The following GRID2 variants were observed in gnomAD, a reference collection of about 807,000 sequenced individuals.
The protein encoded by GRID2 is glutamate ionotropic receptor delta type subunit 2.
A neutral mutation model predicts 114.8 loss-of-function variants in GRID2; 33 were observed. The ratio of observed to expected loss-of-function variants is 0.29; its 90% CI spans 0.22 to 0.38. GRID2 has a LOEUF of 0.38. Among genes scored for constraint, GRID2 ranks in the 10% least tolerant of loss-of-function variants. GRID2 has a pLI of 1.00. For synonymous variants in GRID2, 505 were observed against 449.9 expected (o/e 1.12, Z -1.55); for missense variants, 1,184 against 1,257.7 (o/e 0.94, Z 0.89).
intron 2 of GRID2, among the ~76,000 whole-genome samples, chr4:92,959,852 T>G (rs1181702924): frequency 6.6e-6 from 1 of 151,918 alleles, no homozygotes; most frequent in African/African-American, 2.4e-5. Context: ...TGGGGCCTAT[T>G]GGGGGATAGG....
intron 14 of GRID2, among the ~76,000 whole-genome samples, chr4:93,654,684 T>C (rs1722856237): frequency 1.3e-5 from 2 of 152,088 alleles, no homozygotes; most frequent in African/African-American, 2.4e-5. Flanking sequence ...GCCAACAAAA[T>C]GTAGGATTAC....
chr4:93,546,240 A>G (rs907629692), intron 13 of GRID2, among the ~76,000 whole-genome samples: 6 of 152,198 alleles, frequency 3.9e-5, no homozygotes. Flanking sequence ...GTTGTTTAAG[A>G]TGCTTATTCG....
At chr4:93,514,824 A>C (rs1284714320) in intron 12 of GRID2, among the ~76,000 whole-genome samples, 1 of 152,194 alleles carries the variant, frequency 6.6e-6, no homozygotes, top group African/African-American at 2.4e-5. Context: ...TACGTAAAGG[A>C]ATGTAGAACT....
intron 1 of GRID2, among the ~76,000 whole-genome samples, chr4:92,367,730 T>A (rs1728938479): frequency 6.6e-6 from 1 of 152,060 alleles, no homozygotes; most frequent in Non-Finnish European, 1.5e-5. Flanking sequence ...CATGATAAGA[T>A]TTTTAAAATG....
intron 14 of GRID2, among the ~76,000 whole-genome samples, chr4:93,752,838 C>T (rs1002488696): frequency 6.6e-6 from 1 of 152,120 alleles, no homozygotes; most frequent in Admixed American, 6.5e-5. Flanking sequence ...TATCTGTGTA[C>T]TTGCACATTG....
At chr4:92,892,607 A>G (rs1746868324) in intron 2 of GRID2, among the ~76,000 whole-genome samples, 1 of 152,220 alleles carries the variant, frequency 6.6e-6, no homozygotes, top group Admixed American at 6.5e-5. Flanking sequence ...AGATTAGGCC[A>G]CAAATATTAG....
intron 14 of GRID2, among the ~76,000 whole-genome samples, chr4:93,662,885 A>G (rs1026919090): frequency 2.0e-5 from 3 of 152,206 alleles, no homozygotes; most frequent in Non-Finnish European, 4.4e-5. Context: ...CCCACAAAAC[A>G]CGAAATGTTT....
At chr4:92,472,057 C>T (rs1722070306) in intron 1 of GRID2, among the ~76,000 whole-genome samples, 1 of 115,332 alleles carries the variant, frequency 8.7e-6, no homozygotes, top group South Asian at 3.0e-4. Context: ...CCTCGGCCTC[C>T]CGAGTAGCTG....
At chr4:93,204,549 G>A (rs1310096622) in intron 4 of GRID2, among the ~76,000 whole-genome samples, 1 of 152,156 alleles carries the variant, frequency 6.6e-6, no homozygotes, top group Non-Finnish European at 1.5e-5. Context: ...CTAAGCAACA[G>A]AGGATAGTAC....
intron 11 of GRID2, among the ~76,000 whole-genome samples, chr4:93,466,452 A>G: frequency 6.6e-6 from 1 of 152,184 alleles, no homozygotes; most frequent in East Asian, 1.9e-4. Flanking sequence ...GGGCTACCCT[A>G]TGGGCAAAGA....
chr4:92,318,261 T>G (rs973440099), intron 1 of GRID2, among the ~76,000 whole-genome samples: 6 of 149,632 alleles, frequency 4.0e-5, no homozygotes, highest in Admixed American at 6.7e-5. Context: ...GTTGGGTGGT[T>G]GTTTCACAAG....
intron 4 of GRID2, among the ~76,000 whole-genome samples, chr4:93,192,272 A>G (rs1227894904): frequency 1.3e-5 from 2 of 152,332 alleles, no homozygotes; most frequent in East Asian, 3.9e-4. Flanking sequence ...GAAGCCTTAC[A>G]ATAGGCCAAT....
chr4:93,175,864 C>T (rs1739305050), intron 4 of GRID2, among the ~76,000 whole-genome samples: 1 of 152,088 alleles, frequency 6.6e-6, no homozygotes, highest in Non-Finnish European at 1.5e-5. Context: ...CCAGTTTTCC[C>T]CTCCAATCCA....
chr4:93,224,530 A>G, intron 6 of GRID2, 84 bp from the exon 7 acceptor site: 1 of 830,938 alleles, frequency 1.2e-6, no homozygotes, highest in Non-Finnish European at 2.0e-6. Flanking sequence ...CATGAACAGA[A>G]GCAGTTGAGA....
At chr4:93,585,745 T>C (rs2149602109) in intron 13 of GRID2, among the ~76,000 whole-genome samples, 1 of 152,190 alleles carries the variant, frequency 6.6e-6, no homozygotes, top group East Asian at 1.9e-4. Flanking sequence ...AACTAGATCC[T>C]GCCCAGACAT....
intron 2 of GRID2, among the ~76,000 whole-genome samples, chr4:92,609,923 A>G (rs968258716): frequency 6.6e-6 from 1 of 151,750 alleles, no homozygotes; most frequent in South Asian, 2.1e-4. Flanking sequence ...TCTCTTTACT[A>G]TTGAAAATGT....
chr4:93,304,837 G>C (rs1755255466), intron 8 of GRID2, among the ~76,000 whole-genome samples: 1 of 152,228 alleles, frequency 6.6e-6, no homozygotes, highest in East Asian at 1.9e-4. Flanking sequence ...GCCAAATCGT[G>C]TCCTTCTAGT....
chr4:92,813,658 G>A (rs963935605), intron 2 of GRID2, among the ~76,000 whole-genome samples: 7 of 150,414 alleles, frequency 4.7e-5, no homozygotes, highest in Non-Finnish European at 7.4e-5. Context: ...ACACACGCAC[G>A]CACACACACA....
chr4:92,797,088 T>C (rs933385011), intron 2 of GRID2, among the ~76,000 whole-genome samples: 2 of 152,004 alleles, frequency 1.3e-5, no homozygotes, highest in Non-Finnish European at 2.9e-5. Flanking sequence ...CCTCCGTTTA[T>C]AGTGGATATC....
Sources: allele counts gnomAD v4.1 joint callset (sites outside exome capture counted in the v4.1 genomes callset), GRCh38; gene constraint gnomAD v4.1.1; transcripts MANE v1.5; gene names NCBI Gene and HGNC (gene_info 2026-07-23, HGNC 2026-07-21).